Variants in PAN3 observed in about 807,000 individuals in gnomAD.
PAN3 encodes the protein PAN2-PAN3 deadenylation complex subunit PAN3.
In PAN3, 19 loss-of-function variants were observed where a neutral mutation model predicts 96.2. The ratio of observed to expected loss-of-function variants is 0.20; its 90% CI spans 0.14 to 0.29. The LOEUF (loss-of-function observed/expected upper bound fraction) is 0.29, where lower values mean the gene tolerates loss of function less well. Among genes scored for constraint, PAN3 ranks in the 10% least tolerant of loss-of-function variants. The pLI, the probability that PAN3 is intolerant of heterozygous loss-of-function variation, is 1.00. For missense variants in PAN3, 882 were observed against 1,108.1 expected (o/e 0.80, Z 2.90); for synonymous variants, 433 against 406.6 (o/e 1.06, Z -0.78).
chr13:28,232,395 A>G (rs1411995287), intron 6 of PAN3: 1 of 152,144 alleles, frequency 6.6e-6, no homozygotes, highest in Non-Finnish European at 1.5e-5. Flanking sequence ...TGTTGTTTTA[A>G]TGGTAACTAT....
intron 1 of PAN3, among the ~76,000 whole-genome samples, chr13:28,170,944 G>C (rs1874228222): frequency 6.6e-6 from 1 of 152,052 alleles, no homozygotes; most frequent in South Asian, 2.1e-4. Context: ...CTACAGGCAT[G>C]CGCCACCATG....
chr13:28,201,287 T>C (rs953620090), intron 5 of PAN3, among the ~76,000 whole-genome samples: 1 of 151,866 alleles, frequency 6.6e-6, no homozygotes, highest in African/African-American at 2.4e-5. Context: ...CAAGCTATCC[T>C]CCTGCCTTGG....
intron 1 of PAN3, among the ~76,000 whole-genome samples, chr13:28,144,716 A>G (rs1870380097): frequency 3.4e-5 from 2 of 58,682 alleles, no homozygotes; most frequent in African/African-American, 1.6e-4. Context: ...CCAAAACATC[A>G]TCTTTTTTTT....
rs1869122902 is a variant in PAN3 at position 28,138,666 on chromosome 13, T to C, written c.9T>C (p.Ser3=). 1 of 707,860 alleles carries C rather than the reference T, an allele frequency of 1.4e-6. No homozygotes were observed. Among genetic ancestry groups the C allele is most frequent in the Non-Finnish European group, 2.1e-6 (1 of 485,408 alleles). The allele number at this position is 707,860 out of a possible 1,614,324, so 43.8% of individuals were successfully genotyped here. The change falls in exon 1 of 19, where the codon AGT becomes AGC. Residue 3 remains serine, a synonymous_variant. Transcript: ENST00000380958. ...GAGGCTGCGGCGTTGCCATGAACAGTGGCGGCGGCCTCCCGCCCCCCTCGG... is the reference window on the plus strand; with the variant it reads ...GAGGCTGCGGCGTTGCCATGAACAGCGGCGGCGGCCTCCCGCCCCCCTCGG... MN[S]GGGLPPPSAA...
intron 6 of PAN3, among the ~76,000 whole-genome samples, chr13:28,253,517 G>GT (rs1292159163): frequency 2.6e-5 from 4 of 151,600 alleles, no homozygotes; most frequent in Non-Finnish European, 4.4e-5. Context: ...TGCAATTTAA[G>GT]TATCCTATTA....
chr13:28,284,286 G>T (rs1239959012), intron 17 of PAN3, among the ~76,000 whole-genome samples: 1 of 151,632 alleles, frequency 6.6e-6, no homozygotes, highest in African/African-American at 2.4e-5. Flanking sequence ...CTTATGTCCT[G>T]TTCAATTCAT....
intron 1 of PAN3, among the ~76,000 whole-genome samples, chr13:28,149,434 G>A (rs1871088941): frequency 6.6e-6 from 1 of 152,066 alleles, no homozygotes. Context: ...TATCTGCCCC[G>A]GTAAAATTTT....
chr13:28,175,944 G>A (rs1025595037), intron 2 of PAN3, among the ~76,000 whole-genome samples: 1 of 152,272 alleles, frequency 6.6e-6, no homozygotes. Context: ...AAGGCATTGA[G>A]TTAGAAGTTA....
At chr13:28,164,672 T>C (rs1451171572) in intron 1 of PAN3, among the ~76,000 whole-genome samples, 1 of 152,156 alleles carries the variant, frequency 6.6e-6, no homozygotes, top group Non-Finnish European at 1.5e-5. Context: ...AGTAAAGAAA[T>C]GGGTTTACTT....
intron 6 of PAN3, among the ~76,000 whole-genome samples, chr13:28,235,676 C>T (rs34521869): frequency 3.5e-5 from 5 of 143,010 alleles, no homozygotes; most frequent in Non-Finnish European, 4.5e-5. Flanking sequence ...TTGTCTTTCT[C>T]TAATATACAC....
intron 9 of PAN3, among the ~76,000 whole-genome samples, chr13:28,264,134 T>C (rs1885963226): frequency 1.3e-5 from 2 of 152,220 alleles, no homozygotes; most frequent in African/African-American, 4.8e-5. Flanking sequence ...CAAGTATTTC[T>C]AAACTGATCT....
intron 5 of PAN3, among the ~76,000 whole-genome samples, chr13:28,203,648 T>C (rs1409152506): frequency 2.0e-5 from 3 of 152,108 alleles, no homozygotes; most frequent in African/African-American, 7.2e-5. Flanking sequence ...ATAGACTTTT[T>C]GGGGCTTATT....
intron 6 of PAN3, among the ~76,000 whole-genome samples, chr13:28,239,162 A>AACACACAC (rs71086840): frequency 0.13 from 9,742 of 76,596 alleles, 725 homozygotes; most frequent in Admixed American, 0.2. Flanking sequence ...CACCCCCGCC[A>AACACACAC]ACACACACAC....
chr13:28,216,659 C>G (rs1264793065), intron 5 of PAN3, among the ~76,000 whole-genome samples: 1 of 152,066 alleles, frequency 6.6e-6, no homozygotes, highest in African/African-American at 2.4e-5. Flanking sequence ...TTAAAATAAC[C>G]CTGACCAGTA....
At chr13:28,269,788 T>C (rs1044343918) in intron 12 of PAN3, among the ~76,000 whole-genome samples, 1 of 152,222 alleles carries the variant, frequency 6.6e-6, no homozygotes, top group African/African-American at 2.4e-5. Context: ...GAGAGATAAT[T>C]ATTTTTAATT....
intron 1 of PAN3, among the ~76,000 whole-genome samples, chr13:28,149,451 C>T (rs1036635695): frequency 6.6e-6 from 1 of 152,180 alleles, no homozygotes; most frequent in East Asian, 1.9e-4. Flanking sequence ...TTTTTCTCCC[C>T]AATGGCTCAC....
At chr13:28,278,017 A>T (rs1209432016) in intron 15 of PAN3, among the ~76,000 whole-genome samples, 1 of 152,276 alleles carries the variant, frequency 6.6e-6, no homozygotes, top group Admixed American at 6.5e-5. Context: ...ACTTCTCCGT[A>T]AGATATAGCT....
chr13:28,264,514 ACT>A (rs1380463474), intron 9 of PAN3, among the ~76,000 whole-genome samples: 2 of 152,008 alleles, frequency 1.3e-5, no homozygotes, highest in African/African-American at 2.4e-5. Context: ...ATCCTGGGAG[ACT>A]CTGTCTCCAA....
intron 6 of PAN3, among the ~76,000 whole-genome samples, chr13:28,239,051 A>G (rs1487304144): frequency 6.6e-6 from 1 of 152,074 alleles, no homozygotes; most frequent in Non-Finnish European, 1.5e-5. Flanking sequence ...GGAATTATGT[A>G]ACATTTCACT....
Sources: allele counts gnomAD v4.1 joint callset (sites outside exome capture counted in the v4.1 genomes callset), GRCh38; gene constraint gnomAD v4.1.1; transcripts MANE v1.5; gene names NCBI Gene and HGNC (gene_info 2026-07-23, HGNC 2026-07-21).